Variants in RNF213 observed in about 807,000 individuals in gnomAD.
RNF213 encodes E3 ubiquitin-protein ligase RNF213.
Under a neutral mutation model 514.4 loss-of-function variants are expected in RNF213, and 341 were observed. The ratio of observed to expected loss-of-function variants is 0.66; its 90% CI spans 0.61 to 0.73. The LOEUF (loss-of-function observed/expected upper bound fraction) is 0.73, where lower values mean the gene tolerates loss of function less well. Ranked by LOEUF, RNF213 falls within the 30% of genes least tolerant of loss-of-function variation. RNF213 has a pLI of 0.00. For missense variants in RNF213, 5,767 were observed against 6,615.6 expected, an observed-to-expected ratio of 0.87 and a Z score of 4.45; for synonymous variants, 2,655 against 2,658.2, an observed-to-expected ratio of 1.00 and a Z score of 0.04.
chr17:80,369,398 CAAAAAAA>C (rs11424638), intron 44 of RNF213, 97 bp from the exon 45 acceptor site: 1 of 930,784 alleles, frequency 1.1e-6, no homozygotes, highest in East Asian at 2.6e-5. Flanking sequence ...AACTCCGTCT[CAAAAAAA>C]AAAAAAAAAG....
intron 2 of RNF213, 46 bp from the exon 3 acceptor site, chr17:80,273,195 C>G (rs768231163): frequency 6.2e-7 from 1 of 1,610,642 alleles, no homozygotes; most frequent in Non-Finnish European, 8.5e-7. Flanking sequence ...CTTCCTAACA[C>G]TCGCTTCTCT....
intron 3 of RNF213, among the ~76,000 whole-genome samples, chr17:80,275,070 G>T (rs1687277146): frequency 7.2e-6 from 1 of 138,066 alleles, no homozygotes; most frequent in Non-Finnish European, 1.6e-5. Flanking sequence ...TGAGTTGGGG[G>T]TGTGTGAGTG....
In RNF213 at chr17:80,361,903, A is replaced by G. The variant is rs371023146; in HGVS notation, c.11355+15A>G. ...AGGAATTAAAGGTAGATGTTTAGAT[A>G]CTGGCTAAGGGTCAGGTGTAGAGCT... On this transcript the variant is annotated intron_variant, in intron 39 of 67. Coordinates refer to ENST00000582970, the MANE Select transcript of RNF213 (RefSeq NM_001256071.3). 6.2e-7 allele frequency: 1 copy of G among 1,609,216 alleles called. No individual in the cohort carries two copies. The highest frequency in any genetic ancestry group is 1.3e-5 in the African/African-American group (1 of 74,798).
Position 80,367,700 on chromosome 17 carries a change from C to G in RNF213, c.11872-48C>G, listed in dbSNP as rs1489357682. The G allele has an allele frequency of 7.9e-6, 12 of 1,526,044 alleles. No homozygotes were observed. In the Admixed American group the frequency reaches 2.0e-4, roughly 26 times the overall value. 94.5% of individuals were successfully genotyped at this position (1,526,044 alleles called of 1,614,324 possible). On this transcript the variant is annotated intron_variant, in intron 42 of 67. Transcript: ENST00000582970. ...TCCCTCTGTCGCCCGGCCTGGCCGC[C>G]CTCAGCCCTCCCCCCTGCTAATGAC...
intron 3 of RNF213, among the ~76,000 whole-genome samples, chr17:80,274,386 A>G (rs927253159): frequency 2.0e-5 from 3 of 150,224 alleles, no homozygotes; most frequent in African/African-American, 7.4e-5. Flanking sequence ...TGGTTGGAAG[A>G]GAAGGGCTCC....
intron 2 of RNF213, among the ~76,000 whole-genome samples, chr17:80,266,073 G>A (rs1299326423): frequency 6.6e-6 from 1 of 152,118 alleles, no homozygotes; most frequent in African/African-American, 2.4e-5. Context: ...CAGAGATTAT[G>A]CATTTCATGT....
At chr17:80,312,812 G>A (rs1014970420) in intron 14 of RNF213, among the ~76,000 whole-genome samples, 200 bp from the exon 15 acceptor site, 2 of 152,166 alleles carry the variant, frequency 1.3e-5, no homozygotes, top group Non-Finnish European at 2.9e-5. Context: ...TATCTCCCAC[G>A]TTCAGGGTGA....
At chr17:80,389,534 A>G (rs571757352) in intron 65 of RNF213, among the ~76,000 whole-genome samples, 167 bp downstream of exon 65, 23 of 152,328 alleles carry the variant, frequency 1.5e-4, no homozygotes, top group African/African-American at 5.3e-4. Flanking sequence ...AGGACACACC[A>G]GGGACAGTAG....
chr17:80,384,908 G>A (rs1195787695), intron 59 of RNF213, 131 bp from the exon 60 acceptor site: 6 of 943,456 alleles, frequency 6.4e-6, no homozygotes, highest in Non-Finnish European at 1.0e-5. Context: ...GCTCCACGCT[G>A]CATCACAGGA....
chr17:80,364,295 A>T, intron 41 of RNF213, 138 bp from the exon 42 acceptor site: 1 of 1,183,908 alleles, frequency 8.4e-7, no homozygotes, highest in Non-Finnish European at 1.2e-6. Context: ...AGTATGTCAC[A>T]TAGGGCTTGC....
Position 80,363,805 on chromosome 17 carries a change from C to A in RNF213, c.11750+15C>A. 1 of 1,610,958 alleles carries A rather than the reference C, an allele frequency of 6.2e-7. No homozygotes were observed. Among genetic ancestry groups the A allele is most frequent in the Non-Finnish European group, 8.5e-7 (1 of 1,179,062 alleles). ...AGGGAAGTCAGGTGAGACCCAGGAG[C>A]CCTCACCCACTGCTTCATCTGGCGC... On this transcript the variant is annotated intron_variant, in intron 41 of 67. Coordinates refer to ENST00000582970, the MANE Select transcript of RNF213 (RefSeq NM_001256071.3).
In RNF213 at chr17:80,353,389, C is replaced by G; in HGVS notation, c.10424-123C>G. 8.7e-7 allele frequency: 1 copy of G among 1,154,366 alleles called. No homozygotes were observed. Among genetic ancestry groups the G allele is most frequent in the Admixed American group, 2.0e-5 (1 of 50,466 alleles). 71.5% of individuals were successfully genotyped at this position (1,154,366 alleles called of 1,614,324 possible). ...TGATCTCTCATCTGGGGACCTAGCA[C>G]CACAGCAGGGGCCGGGGAAGCCTGC... is the stretch of plus-strand genomic sequence containing the variant. On this transcript the variant is annotated intron_variant, in intron 33 of 67. Coordinates refer to ENST00000582970, the MANE Select transcript of RNF213 (RefSeq NM_001256071.3). This position sits in a 1 kb window ranked among gnomAD's most constrained non-coding sequence, Gnocchi z 5.0.
chr17:80,385,502 T>C (rs1241194021), intron 60 of RNF213, 36 bp from the exon 61 acceptor site: 1 of 1,592,282 alleles, frequency 6.3e-7, no homozygotes, highest in East Asian at 2.2e-5. Flanking sequence ...AGGGGGTTGC[T>C]ATCATACGGT....
chr17:80,262,552 G>A (rs1277049952), intron 1 of RNF213, among the ~76,000 whole-genome samples: 1 of 152,174 alleles, frequency 6.6e-6, no homozygotes, highest in Non-Finnish European at 1.5e-5. Flanking sequence ...ATCCCTCTAG[G>A]CAGATAATGG....
At chr17:80,383,215 C>T (rs2080094876) in intron 58 of RNF213, 145 bp downstream of exon 58, 1 of 690,750 alleles carries the variant, frequency 1.4e-6, no homozygotes. Context: ...ATGCTCCCCA[C>T]CTCGAGTCAC....
At chr17:80,266,355 A>G (rs910251049) in intron 2 of RNF213, among the ~76,000 whole-genome samples, 1 of 151,952 alleles carries the variant, frequency 6.6e-6, no homozygotes, top group African/African-American at 2.4e-5. Context: ...TCGAGGCTGC[A>G]GTAAGCCATG....
At chr17:80,384,790 C>T (rs1194002130) in intron 59 of RNF213, 14 of 528,180 alleles carry the variant, frequency 2.7e-5, no homozygotes, top group Non-Finnish European at 4.1e-5. Flanking sequence ...TTGATGGACG[C>T]GGCTGATGCG....
At chr17:80,265,840 T>G (rs1265738353) in intron 2 of RNF213, among the ~76,000 whole-genome samples, 2 of 151,720 alleles carry the variant, frequency 1.3e-5, no homozygotes, top group African/African-American at 4.8e-5. Flanking sequence ...CAGGCCAAGG[T>G]GGGAGGATCA....
In RNF213 at chr17:80,317,681, G is replaced by A. The variant is rs1229623863; in HGVS notation, c.2901+404G>A. Among the ~76,000 whole-genome samples the A allele has an allele frequency of 6.6e-6, 1 of 152,224 alleles. No individual in the cohort carries two copies. Among genetic ancestry groups the A allele is most frequent in the Non-Finnish European group, 1.5e-5 (1 of 68,032 alleles). ...CAAGCTCCGTGCAGGCCCTGCAGCA[G>A]TGCCCAGATTGAGGTGCCTGCAACC... is the stretch of plus-strand genomic sequence containing the variant. On this transcript the variant is annotated intron_variant, in intron 16 of 67. Coordinates refer to ENST00000582970, the MANE Select transcript of RNF213 (RefSeq NM_001256071.3). This position sits in a 1 kb window ranked among gnomAD's most constrained non-coding sequence, Gnocchi z 4.1.
Sources: allele counts gnomAD v4.1 joint callset (sites outside exome capture counted in the v4.1 genomes callset), GRCh38; gene constraint gnomAD v4.1.1; non-coding constraint Gnocchi (gnomAD v3.1); transcripts MANE v1.5; gene names NCBI Gene and HGNC (gene_info 2026-07-23, HGNC 2026-07-21).